Variants in PPHLN1 observed in about 807,000 individuals in gnomAD.
The protein encoded by PPHLN1 is periphilin 1, also known as periphilin-1.
A neutral mutation model predicts 51.3 loss-of-function variants in PPHLN1; 29 were observed. The observed-to-expected ratio is 0.57, with a 90% CI of 0.42 to 0.77. PPHLN1 has a LOEUF of 0.77. Ranked by LOEUF, PPHLN1 falls within the 30% of genes least tolerant of loss-of-function variation. The pLI, the probability that PPHLN1 is intolerant of heterozygous loss-of-function variation, is 0.00. For missense variants in PPHLN1, 436 were observed against 438.4 expected, an observed-to-expected ratio of 0.99 and a Z score of 0.05; for synonymous variants, 147 against 147.8, an observed-to-expected ratio of 0.99 and a Z score of 0.04.
intron 7 of PPHLN1, among the ~76,000 whole-genome samples, chr12:42,389,417 G>A (rs918891020): frequency 3.3e-5 from 5 of 150,632 alleles, no homozygotes; most frequent in South Asian, 2.1e-4. Context: ...ACAATTAGCC[G>A]GGTGTGGTGG....
At chr12:42,328,848 T>C (rs2069199905) in intron 1 of PPHLN1, among the ~76,000 whole-genome samples, 1 of 152,152 alleles carries the variant, frequency 6.6e-6, no homozygotes, top group Non-Finnish European at 1.5e-5. Flanking sequence ...TAGCTGGAAT[T>C]ACAGGCATGT....
chr12:42,370,235 G>C (rs1164155248), intron 4 of PPHLN1, among the ~76,000 whole-genome samples: 1 of 152,192 alleles, frequency 6.6e-6, no homozygotes, highest in Non-Finnish European at 1.5e-5. Flanking sequence ...AGCTGGTGAG[G>C]GTTGATGCCC....
intron 4 of PPHLN1, chr12:42,355,511 C>A: frequency 4.1e-6 from 1 of 242,426 alleles, no homozygotes. Context: ...CCAAGGCGGG[C>A]AAATCACTTG....
At chr12:42,434,531 T>C (rs936822063) in intron 9 of PPHLN1, among the ~76,000 whole-genome samples, 8 of 152,136 alleles carry the variant, frequency 5.3e-5, no homozygotes, top group African/African-American at 1.7e-4. Context: ...GGTTTCTGTA[T>C]TGGGGGTTAG....
At chr12:42,390,304 G>A (rs1005938409) in intron 7 of PPHLN1, among the ~76,000 whole-genome samples, 3 of 152,096 alleles carry the variant, frequency 2.0e-5, no homozygotes, top group Non-Finnish European at 4.4e-5. Context: ...TTGGATTATG[G>A]TTCTGTCTTA....
intron 4 of PPHLN1, 128 bp downstream of exon 4, chr12:42,355,350 A>G: frequency 1.3e-6 from 1 of 762,794 alleles, no homozygotes; most frequent in East Asian, 2.7e-5. Context: ...GAAAGCAACA[A>G]GCATTATATT....
At chr12:42,372,277 T>G (rs1164506518) in intron 4 of PPHLN1, among the ~76,000 whole-genome samples, 4 of 152,194 alleles carry the variant, frequency 2.6e-5, no homozygotes, top group Admixed American at 2.0e-4. Flanking sequence ...AGAGACATTA[T>G]TCTACTCTGA....
chr12:42,433,294 C>T (rs745330034), intron 9 of PPHLN1: 1 of 637,034 alleles, frequency 1.6e-6, no homozygotes. Flanking sequence ...GGTAATCTAA[C>T]CTCATTAAAT....
At chr12:42,370,888 C>T (rs1430956323) in intron 4 of PPHLN1, among the ~76,000 whole-genome samples, 2 of 152,092 alleles carry the variant, frequency 1.3e-5, no homozygotes, top group African/African-American at 2.4e-5. Flanking sequence ...GGAGTGCAAT[C>T]TCTGCCTCCT....
chr12:42,350,019 G>T (rs1385174170), intron 2 of PPHLN1, among the ~76,000 whole-genome samples: 5 of 149,762 alleles, frequency 3.3e-5, no homozygotes, highest in Middle Eastern at 3.5e-3. Context: ...CAGAGGGGGT[G>T]GCCGGGCAGA....
chr12:42,439,107 G>A (rs560838720), intron 9 of PPHLN1, among the ~76,000 whole-genome samples: 2 of 152,198 alleles, frequency 1.3e-5, no homozygotes, highest in South Asian at 2.1e-4. Context: ...TTTAAAAGTC[G>A]TCACCAAACT....
chr12:42,406,519 G>A (rs889878985), intron 9 of PPHLN1, among the ~76,000 whole-genome samples: 53 of 152,236 alleles, frequency 3.5e-4, no homozygotes, highest in African/African-American at 1.2e-3. Flanking sequence ...ATTTGCATTT[G>A]CCTGATTAGT....
At chr12:42,427,052 G>A (rs769186874) in intron 9 of PPHLN1, among the ~76,000 whole-genome samples, 9 of 152,074 alleles carry the variant, frequency 5.9e-5, no homozygotes, top group Non-Finnish European at 8.8e-5. Context: ...TTTTCACTTC[G>A]AGAACTGGCT....
chr12:42,407,851 A>G (rs1235103527), intron 9 of PPHLN1, among the ~76,000 whole-genome samples: 2 of 152,308 alleles, frequency 1.3e-5, no homozygotes, highest in East Asian at 1.9e-4. Context: ...AAAATTCAGT[A>G]CATGTTCAGT....
In PPHLN1 at chr12:42,441,374, T is replaced by A; in HGVS notation, c.969T>A (p.Asp323Glu). 6.2e-7 allele frequency: 1 copy of A among 1,613,922 alleles called. No individual in the cohort carries two copies. Among genetic ancestry groups the A allele is most frequent in the Non-Finnish European group, 8.5e-7 (1 of 1,179,922 alleles). Residue 323 changes from aspartate to glutamate, a missense_variant, in exon 10 of 10, where the codon GAT (aspartate) becomes GAA (glutamate). Transcript: ENST00000358314. ...GMVVKMLIEKDPSLEKSIQFA... is the reference protein window; with the variant it reads ...GMVVKMLIEKEPSLEKSIQFA... ...TGGTGAAAATGCTGATTGAAAAAGA[T>A]CCTTCATTAGAAAAGTCTATACAGT...
intron 6 of PPHLN1, among the ~76,000 whole-genome samples, chr12:42,385,205 T>C (rs183536797): frequency 1.3e-5 from 2 of 152,306 alleles, no homozygotes; most frequent in East Asian, 3.9e-4. Flanking sequence ...AGCCATTCTG[T>C]AGGAGGCTGA....
chr12:42,410,385 A>T (rs2079700898), intron 9 of PPHLN1, among the ~76,000 whole-genome samples: 1 of 152,226 alleles, frequency 6.6e-6, no homozygotes, highest in African/African-American at 2.4e-5. Flanking sequence ...TCAGTTGCAT[A>T]GTCAACTGTG....
chr12:42,437,063 A>G (rs1264414283), intron 9 of PPHLN1, among the ~76,000 whole-genome samples: 5 of 152,184 alleles, frequency 3.3e-5, no homozygotes, highest in South Asian at 2.1e-4. Context: ...TCTCTTCCTG[A>G]TACATCCAAA....
Position 42,390,404 on chromosome 12 carries a change from A to G in PPHLN1, c.648+2869A>G, listed in dbSNP as rs536524245. On this transcript the variant is annotated intron_variant, in intron 7 of 9. Transcript: ENST00000358314. Reference sequence around the variant, plus strand: ...AAAGAAGAGTAAATAGTACCTGCCTATCAAAGTCACTACAAAAATTCAAAT... The same window carrying G: ...AAAGAAGAGTAAATAGTACCTGCCTGTCAAAGTCACTACAAAAATTCAAAT... Among the ~76,000 whole-genome samples the G allele has an allele frequency of 3.3e-5, 5 of 152,336 alleles. No individual in the cohort carries two copies. In the East Asian group the frequency reaches 7.7e-4, roughly 23 times the overall value.
Sources: allele counts gnomAD v4.1 joint callset (sites outside exome capture counted in the v4.1 genomes callset), GRCh38; gene constraint gnomAD v4.1.1; transcripts MANE v1.5; gene names NCBI Gene and HGNC (gene_info 2026-07-23, HGNC 2026-07-21).